MYO15A: variants seen among roughly 807,000 people sequenced by gnomAD.
MYO15A encodes the protein myosin XVA.
In MYO15A, 308 loss-of-function variants were observed where a neutral mutation model predicts 394.6. The observed-to-expected ratio is 0.78, with a 90% CI of 0.71 to 0.86. The LOEUF is 0.86. Ranked by LOEUF, MYO15A falls within the 40% of genes least tolerant of loss-of-function variation. The pLI, the probability that MYO15A is intolerant of heterozygous loss-of-function variation, is 0.00. For missense variants in MYO15A, 4,606 were observed against 4,799.1 expected (o/e 0.96, Z 1.19); for synonymous variants, 1,957 against 2,003.8 (o/e 0.98, Z 0.62).
chr17:18,124,945 C>T, intron 3 of MYO15A: 3 of 612,126 alleles, frequency 4.9e-6, no homozygotes, highest in Non-Finnish European at 8.8e-6. Context: ...GTCCCCCAAA[C>T]CCCCAATGAA....
At chr17:18,163,862 T>A in intron 60 of MYO15A, 24 bp downstream of exon 60, 1 of 1,608,310 alleles carries the variant, frequency 6.2e-7, no homozygotes, top group Non-Finnish European at 8.5e-7. Flanking sequence ...AGACTGAGCA[T>A]GCTGGGCCCA....
In MYO15A at chr17:18,156,283, C is replaced by T. The variant is rs548514957; in HGVS notation, c.8548C>T (p.Arg2850Ter). The change falls in exon 48 of 66, where the codon CGA becomes TGA. Residue 2850 changes from arginine to a stop codon, truncating the protein, a stop_gained. Transcript: ENST00000647165. LOFTEE classifies it high-confidence loss of function. The stretch of plus-strand genomic sequence containing the variant: ...TGAGAAGGTCATCCTCTTCTCAGCC[C>T]GAGCGCACCAGGTCAAGACCCTGGT... ...ASEKVILFSA[R>*]AHQVKTLVDD... is the part of the protein sequence containing the mutation. The T allele has an allele frequency of 9.9e-6, 16 of 1,614,136 alleles. No homozygotes were observed. The highest frequency in any genetic ancestry group is 4.5e-5 in the East Asian group (2 of 44,880).
chr17:18,169,898 G>A (rs746951756), intron 62 of MYO15A, among the ~76,000 whole-genome samples: 9 of 144,910 alleles, frequency 6.2e-5, no homozygotes, highest in African/African-American at 5.2e-5. Flanking sequence ...CTGGGAGTTC[G>A]AGTTCGAGGC....
Position 18,153,710 on chromosome 17 carries a change from T to C in MYO15A, c.7967-65T>C. 10 of 1,454,720 alleles carry C rather than the reference T, an allele frequency of 6.9e-6. No individual in the cohort carries two copies. Among genetic ancestry groups the C allele is most frequent in the Non-Finnish European group, 9.2e-6 (10 of 1,091,230 alleles). 90.1% of individuals were successfully genotyped at this position (1,454,720 alleles called of 1,614,324 possible). A position where few individuals can be genotyped will look rare whatever the true frequency, so the allele number is the denominator to read the frequency against. Reference sequence around the variant, plus strand: ...CGAAACTCCGTCTCAAAAATATATATATATATTAATTAAATAAAAAAACGA... The same window carrying C: ...CGAAACTCCGTCTCAAAAATATATACATATATTAATTAAATAAAAAAACGA... On this transcript the variant is annotated intron_variant, in intron 42 of 65. Transcript: ENST00000647165. The surrounding 1 kb of genome is among the most constrained non-coding windows in gnomAD (Gnocchi z 4.1).
Position 18,126,843 on chromosome 17 carries a change from C to A in MYO15A, c.3919C>A (p.Gln1307Lys). 1.2e-6 allele frequency: 2 copies of A among 1,613,988 alleles called. 1 individual carries two copies. Among genetic ancestry groups the A allele is most frequent in the South Asian group, 2.2e-5 (2 of 91,070 alleles). The change falls in exon 6 of 66, where the codon CAG (glutamine) becomes AAG (lysine). Residue 1307 changes from glutamine to lysine, a missense_variant. By Grantham distance (53) the Gln-to-Lys change is moderately conservative. Transcript: ENST00000647165. ...CTTCGCCAAAATGCTCGATGCCAAA[C>A]AGAACCAGTGCATAATCATTAGGTG... ...LAFAKMLDAK[Q>K]NQCIIISGES...
At position 18,127,107 on chromosome 17, in the gene MYO15A, C is replaced by A. The variant is rs1039942677; in HGVS notation, c.3974C>A (p.Thr1325Asn). 2.5e-6 allele frequency: 4 copies of A among 1,613,902 alleles called. No homozygotes were observed. The African/African-American group carries it at 4.0e-5, about 16-fold the overall frequency. Residue 1325 changes from threonine (T) to asparagine (N), a missense_variant, in exon 7 of 66, where the codon ACC becomes AAC. Coordinates refer to ENST00000647165, the MANE Select transcript of MYO15A (RefSeq NM_016239.4). ...AGCGGCTCTGGCAAAACTGAGGCCA[C>A]CAAGCTGATTCTGCGCTACCTGGCC... ...GESGSGKTEA[T>N]KLILRYLAAM... is the part of the protein sequence containing the mutation.
At chr17:18,168,731 C>G (rs2046892087) in intron 62 of MYO15A, among the ~76,000 whole-genome samples, 1 of 152,038 alleles carries the variant, frequency 6.6e-6, no homozygotes, top group South Asian at 2.1e-4. Context: ...CTGACGTTCT[C>G]TAAGTTATAA....
At chr17:18,136,513 C>T (rs1194304167) in intron 14 of MYO15A, 38 bp downstream of exon 14, 1 of 1,613,750 alleles carries the variant, frequency 6.2e-7, no homozygotes, top group East Asian at 2.2e-5. Context: ...CCCCGAGGCC[C>T]AGCACCCCAC....
chr17:18,126,212 A>G (rs1353627322), intron 4 of MYO15A, 135 bp from the exon 5 acceptor site: 3 of 750,366 alleles, frequency 4.0e-6, no homozygotes, highest in Non-Finnish European at 7.0e-6. Context: ...AGAGGGCTCT[A>G]GATGGGAATC....
In MYO15A at chr17:18,141,189, A is replaced by G. The variant is rs746270907; in HGVS notation, c.5531+46A>G. 4 of 1,610,018 alleles carry G rather than the reference A, an allele frequency of 2.5e-6. No individual in the cohort carries two copies. In the East Asian group the frequency reaches 8.9e-5, roughly 36 times the overall value. ...CCTGAGCTCTACAAATCCCTGCCCA[A>G]CTCCCCATGGCCCCAGGAATACACA... is the stretch of plus-strand genomic sequence containing the variant. On this transcript the variant is annotated intron_variant, in intron 22 of 65. Coordinates refer to ENST00000647165, the MANE Select transcript of MYO15A (RefSeq NM_016239.4).
In MYO15A at chr17:18,132,566, G is replaced by A; in HGVS notation, c.4320G>A (p.Gln1440=). ...CTGAGACCTACTACTATCTGAACCA[G>A]GTGAGTGCCAGCAGGCATCTGAAGG... is the stretch of plus-strand genomic sequence containing the variant. ...QEAETYYYLN[Q]GGNCEIAGKS... The change falls in exon 11 of 66, where the codon CAG becomes CAA. Residue 1440 remains glutamine, a splice_region_variant and synonymous_variant. Coordinates refer to ENST00000647165, the MANE Select transcript of MYO15A (RefSeq NM_016239.4). This position sits in a 1 kb window ranked among gnomAD's most constrained non-coding sequence, Gnocchi z 4.6. The A allele has an allele frequency of 6.2e-7, 1 of 1,610,244 alleles. No individual in the cohort carries two copies. The highest frequency in any genetic ancestry group is 8.5e-7 in the Non-Finnish European group (1 of 1,179,792).
chr17:18,157,585 A>G, intron 50 of MYO15A, 137 bp from the exon 51 acceptor site: 1 of 1,475,470 alleles, frequency 6.8e-7, no homozygotes, highest in Non-Finnish European at 9.0e-7. Flanking sequence ...CCTCATCTGT[A>G]AAATGGGTTT....
chr17:18,159,192 C>A, intron 53 of MYO15A, 83 bp from the exon 54 acceptor site: 4 of 1,532,594 alleles, frequency 2.6e-6, no homozygotes, highest in Non-Finnish European at 3.6e-6. Flanking sequence ...CTCCTGTTAT[C>A]ATATGGCCTT....
rs749812958 is a variant in MYO15A, at chr17:18,132,556, A to G, written c.4310A>G (p.Tyr1437Cys). Residue 1437 changes from tyrosine to cysteine, a missense_variant, in exon 11 of 66, where the codon TAT (tyrosine) becomes TGT (cysteine). Around this residue, in one of 2 missense-constraint regions of MYO15A, gnomAD observed 2,776 missense variants for 3,109.3 expected, o/e 0.89. Coordinates refer to ENST00000647165, the MANE Select transcript of MYO15A (RefSeq NM_016239.4). This position sits in a 1 kb window ranked among gnomAD's most constrained non-coding sequence, Gnocchi z 4.6. ...FSLQEAETYY[Y>C]LNQGGNCEIA... is the part of the protein sequence containing the mutation. ...CTGCAAGAGGCTGAGACCTACTACT[A>G]TCTGAACCAGGTGAGTGCCAGCAGG... 1.1e-5 allele frequency: 18 copies of G among 1,611,210 alleles called. No homozygotes were observed. The highest frequency in any genetic ancestry group is 5.3e-5 in the African/African-American group (4 of 74,928).
rs923215107 is a variant in MYO15A, at chr17:18,167,700, G to A, written c.10059G>A (p.Lys3353=). The change falls in exon 62 of 66, where the codon AAG becomes AAA. Residue 3353 remains lysine, a synonymous_variant. Coordinates refer to ENST00000647165, the MANE Select transcript of MYO15A (RefSeq NM_016239.4). The part of the protein sequence containing the change: ...SKLASLQHRA[K]DHFYLPSVRE... ...TGGCTTCACTGCAGCATCGCGCCAA[G>A]GACCACTTCTACCTGCCGAGCGTGT... is the stretch of plus-strand genomic sequence containing the variant. The A allele has an allele frequency of 2.9e-5, 46 of 1,603,804 alleles. No individual in the cohort carries two copies. The highest frequency in any genetic ancestry group is 3.8e-5 in the Non-Finnish European group (45 of 1,179,968).
chr17:18,124,541 G>A lies in MYO15A; in HGVS notation c.3668G>A (p.Gly1223Asp), dbSNP rs1204228534. 4 of 1,613,244 alleles carry A rather than the reference G, an allele frequency of 2.5e-6. No homozygotes were observed. Among genetic ancestry groups the A allele is most frequent in the Non-Finnish European group, 3.4e-6 (4 of 1,179,988 alleles). The stretch of plus-strand genomic sequence containing the variant: ...TTCCGTGAGCAGCACGGGGAGGATG[G>A]TGTGGAGGACATGACACAGCTGGAG... ...MRFREQHGEDGVEDMTQLEDL... is the reference protein window; with the variant it reads ...MRFREQHGEDDVEDMTQLEDL... Residue 1223 changes from glycine to aspartate, a missense_variant, in exon 3 of 66, where the codon GGT (glycine) becomes GAT (aspartate). Transcript: ENST00000647165.
intron 55 of MYO15A, 75 bp downstream of exon 55, chr17:18,159,754 C>G (rs1485470944): frequency 6.4e-7 from 1 of 1,550,958 alleles, no homozygotes. Flanking sequence ...CAATGAGTCA[C>G]AGGACATTAG....
intron 56 of MYO15A, chr17:18,161,070 A>T: frequency 1.5e-6 from 1 of 658,104 alleles, no homozygotes; most frequent in East Asian, 2.8e-5. Flanking sequence ...AGAATAGGAG[A>T]GGAAAGAGTC....
chr17:18,157,757 C>T lies in MYO15A; in HGVS notation c.8824C>T (p.Arg2942Cys), dbSNP rs199820816. ...RFGTIHGRVG[R>C]FPSELVQPAA... The stretch of plus-strand genomic sequence containing the variant: ...CGGGACCATCCACGGGCGCGTGGGC[C>T]GCTTCCCTTCGGAGCTGGTGCAGCC... Residue 2942 changes from arginine (R) to cysteine (C), a missense_variant, in exon 51 of 66, where the codon CGC (arginine) becomes TGC (cysteine). Physicochemically the swap from Arg to Cys is radical, Grantham distance 180. Around this residue, in one of 2 missense-constraint regions of MYO15A, gnomAD observed 2,776 missense variants for 3,109.3 expected, o/e 0.89. Transcript: ENST00000647165. 1.9e-5 allele frequency: 30 copies of T among 1,606,102 alleles called. No individual in the cohort carries two copies. In the African/African-American group the frequency reaches 2.1e-4, roughly 11 times the overall value.
Sources: allele counts gnomAD v4.1 joint callset (sites outside exome capture counted in the v4.1 genomes callset), GRCh38; gene constraint gnomAD v4.1.1; regional missense constraint gnomAD v4.1.1; non-coding constraint Gnocchi (gnomAD v3.1); transcripts MANE v1.5; gene names NCBI Gene and HGNC (gene_info 2026-07-23, HGNC 2026-07-21).